The following CACNA2D3 variants were observed in gnomAD, a reference collection of about 807,000 sequenced individuals.
CACNA2D3 encodes the protein calcium voltage-gated channel auxiliary subunit alpha2delta 3, also known as voltage-dependent calcium channel subunit alpha-2/delta-3.
Under a neutral mutation model 160.6 loss-of-function variants are expected in CACNA2D3, and 60 were observed. That is an observed-to-expected ratio of 0.37 (90% CI 0.30 to 0.46). The LOEUF (loss-of-function observed/expected upper bound fraction) is 0.46. Among genes scored for constraint, CACNA2D3 ranks in the 20% least tolerant of loss-of-function variants. The probability of loss-of-function intolerance (pLI) is 1.00; values close to 1 mark genes in which losing one functional copy is unlikely to be tolerated. For synonymous variants in CACNA2D3, 558 were observed against 492.9 expected (o/e 1.13, Z -1.75); for missense variants, 1,205 against 1,365.0 (o/e 0.88, Z 1.85).
rs1490207686 is a variant in CACNA2D3 at position 55,018,256 on chromosome 3, T to C, written c.2926T>C (p.Phe976Leu). Residue 976 changes from phenylalanine (F) to leucine (L), a missense_variant, in exon 35 of 38, where the codon TTC becomes CTC. Physicochemically the swap from Phe to Leu is conservative, Grantham distance 22. This residue lies in a region of CACNA2D3 where 911 missense variants were observed against 1,002.2 expected (regional missense o/e 0.91). Coordinates refer to ENST00000474759, the MANE Select transcript of CACNA2D3 (RefSeq NM_018398.3). Reference protein sequence around the residue: ...LEPCDTEYPAFVSERTIKETT... With the variant: ...LEPCDTEYPALVSERTIKETT... ...GCCTTGTGATACTGAATATCCAGCA[T>C]TCGTCTCTGAGCGCACCATCAAGGA... 2.5e-6 allele frequency: 4 copies of C among 1,613,444 alleles called. No homozygotes were observed. The highest frequency in any genetic ancestry group is 3.4e-6 in the Non-Finnish European group (4 of 1,179,668).
At chr3:54,897,295 C>A (rs1003951977) in intron 26 of CACNA2D3, among the ~76,000 whole-genome samples, 2 of 152,186 alleles carry the variant, frequency 1.3e-5, no homozygotes, top group African/African-American at 4.8e-5. Flanking sequence ...GGACTAAGGA[C>A]TGACTTTGTA....
At chr3:54,183,892 GAA>G (rs58956795) in intron 2 of CACNA2D3, among the ~76,000 whole-genome samples, 12,165 of 80,710 alleles carry the variant, frequency 0.15, 221 homozygotes, top group Middle Eastern at 0.19. Context: ...TCTCAAAAAA[GAA>G]AAAAAAAAAA....
intron 11 of CACNA2D3, among the ~76,000 whole-genome samples, chr3:54,729,601 G>C (rs187653197): frequency 6.6e-6 from 1 of 152,168 alleles, no homozygotes; most frequent in African/African-American, 2.4e-5. Context: ...TCCTCCATTC[G>C]AGTGTTATCA....
At chr3:54,854,757 A>T (rs964169586) in intron 17 of CACNA2D3, among the ~76,000 whole-genome samples, 8 of 152,254 alleles carry the variant, frequency 5.3e-5, no homozygotes, top group African/African-American at 1.4e-4. Flanking sequence ...TGATTTAAAA[A>T]ATTAAATTAA....
chr3:54,910,778 G>C (rs924107314), intron 27 of CACNA2D3, among the ~76,000 whole-genome samples: 1 of 152,064 alleles, frequency 6.6e-6, no homozygotes, highest in Non-Finnish European at 1.5e-5. Context: ...CCAGGCTGAA[G>C]TCCTGATTGC....
intron 9 of CACNA2D3, among the ~76,000 whole-genome samples, chr3:54,617,967 ATTG>A (rs1046409979): frequency 6.1e-5 from 9 of 147,304 alleles, no homozygotes; most frequent in South Asian, 2.2e-4. Context: ...TTTTTTTTTA[ATTG>A]TTGTTGTTTG....
intron 2 of CACNA2D3, among the ~76,000 whole-genome samples, chr3:54,300,919 G>A (rs7622924): frequency 0.22 from 33,750 of 151,856 alleles, 4,098 homozygotes; most frequent in South Asian, 0.34. Context: ...TACTCAGGAG[G>A]TTGAGACCAG....
Position 54,284,294 on chromosome 3 carries a change from A to G in CACNA2D3, c.205-36148A>G, listed in dbSNP as rs58190948. On this transcript the variant is annotated intron_variant, in intron 2 of 37. Coordinates refer to ENST00000474759, the MANE Select transcript of CACNA2D3 (RefSeq NM_018398.3). ...ATAATAAAAAATAAAATTAAATTAA[A>G]AAAATTAAAAAAATTAAATAAAATG... Among the ~76,000 whole-genome samples, 580 of 151,474 alleles carry G rather than the reference A, an allele frequency of 3.8e-3. 15 individuals carry two copies. The East Asian group carries it at 0.064, about 17-fold the overall frequency.
At chr3:54,947,582 G>C (rs1418821217) in intron 27 of CACNA2D3, among the ~76,000 whole-genome samples, 1 of 152,082 alleles carries the variant, frequency 6.6e-6, no homozygotes, top group East Asian at 1.9e-4. Context: ...CCCCACAGTG[G>C]CCTGATGCCC....
intron 2 of CACNA2D3, among the ~76,000 whole-genome samples, chr3:54,240,004 T>G (rs1701946146): frequency 6.6e-6 from 1 of 152,228 alleles, no homozygotes; most frequent in Non-Finnish European, 1.5e-5. Context: ...GAATCTTATT[T>G]CAGGCCAGGA....
chr3:55,072,889 G>C (rs765768487), intron 35 of CACNA2D3, among the ~76,000 whole-genome samples: 4 of 152,128 alleles, frequency 2.6e-5, no homozygotes, highest in Non-Finnish European at 5.9e-5. Context: ...GGGAAGTGTG[G>C]GACCTCATAA....
chr3:54,802,976 T>G (rs1009196745), intron 13 of CACNA2D3, among the ~76,000 whole-genome samples: 5 of 152,016 alleles, frequency 3.3e-5, no homozygotes, highest in Non-Finnish European at 7.4e-5. Flanking sequence ...CTAGCAAACT[T>G]CAACAGACAT....
intron 26 of CACNA2D3, among the ~76,000 whole-genome samples, chr3:54,899,133 C>T (rs1575540045): frequency 6.6e-6 from 1 of 152,200 alleles, no homozygotes; most frequent in Non-Finnish European, 1.5e-5. Flanking sequence ...AAATTATTAA[C>T]TCCAGGCATT....
intron 35 of CACNA2D3, among the ~76,000 whole-genome samples, chr3:55,062,851 AAG>A (rs1350644088): frequency 5.9e-5 from 9 of 152,350 alleles, no homozygotes; most frequent in African/African-American, 9.6e-5. Context: ...GGGTTACAAA[AAG>A]AGAATTTTCT....
intron 14 of CACNA2D3, among the ~76,000 whole-genome samples, chr3:54,818,056 A>G (rs1703497191): frequency 6.6e-6 from 1 of 152,194 alleles, no homozygotes; most frequent in South Asian, 2.1e-4. Context: ...GAGACTTCAC[A>G]AATTCTCTGC....
chr3:54,339,225 T>A (rs1385479082), intron 3 of CACNA2D3, among the ~76,000 whole-genome samples: 2 of 152,212 alleles, frequency 1.3e-5, no homozygotes, highest in Admixed American at 1.3e-4. Flanking sequence ...TTCTCTCTTC[T>A]AGAGTGCCCT....
At chr3:54,361,054 A>G (rs1414968178) in intron 3 of CACNA2D3, among the ~76,000 whole-genome samples, 3 of 152,148 alleles carry the variant, frequency 2.0e-5, no homozygotes, top group African/African-American at 7.2e-5. Flanking sequence ...AGCAAGTGTT[A>G]AAAAATTCCA....
chr3:54,846,554 G>T lies in CACNA2D3; in HGVS notation c.1626+87G>T, dbSNP rs1020792646. ...TCAACAGTGATGACACTTTGCTGCAGTTTTCACTTTTAAAAAACTATTGAA... is the reference window on the plus strand; with the variant it reads ...TCAACAGTGATGACACTTTGCTGCATTTTTCACTTTTAAAAAACTATTGAA... On this transcript the variant is annotated intron_variant, in intron 17 of 37. Transcript: ENST00000474759. The T allele has an allele frequency of 4.4e-5, 37 of 834,658 alleles. No individual in the cohort carries two copies. The African/African-American group carries it at 5.1e-4, about 12-fold the overall frequency. The allele number at this position is 834,658 out of a possible 1,614,324, so 51.7% of individuals were successfully genotyped here.
At chr3:54,175,135 T>G (rs1173486136) in intron 2 of CACNA2D3, among the ~76,000 whole-genome samples, 2 of 152,210 alleles carry the variant, frequency 1.3e-5, no homozygotes, top group African/African-American at 4.8e-5. Context: ...CCATTTCAAG[T>G]GCCACCATAG....
Sources: gnomAD v4.1 joint callset for allele counts (sites outside exome capture counted in the v4.1 genomes callset) on GRCh38, gnomAD v4.1.1 for gene constraint, gnomAD v4.1.1 regional missense constraint, MANE v1.5 for transcripts, NCBI Gene and HGNC (gene_info 2026-07-23, HGNC 2026-07-21) for gene names.